Variants in NLGN1 observed in about 807,000 individuals in gnomAD.
NLGN1 encodes neuroligin 1.
Under a neutral mutation model 65.5 loss-of-function variants are expected in NLGN1, and 12 were observed. That is an observed-to-expected ratio of 0.18 (90% CI 0.12 to 0.30). The LOEUF is 0.30. Among genes scored for constraint, NLGN1 ranks in the 10% least tolerant of loss-of-function variants. The pLI, the probability that NLGN1 is intolerant of heterozygous loss-of-function variation, is 1.00. For synonymous variants in NLGN1, 350 were observed against 359.5 expected (o/e 0.97, Z 0.30); for missense variants, 750 against 1,007.1 (o/e 0.74, Z 3.46).
intron 2 of NLGN1, among the ~76,000 whole-genome samples, chr3:173,560,275 C>G (rs151145930): frequency 6.6e-6 from 1 of 151,556 alleles, no homozygotes; most frequent in African/African-American, 2.4e-5. Context: ...TGAATTTTTT[C>G]CTAAGCCATG....
chr3:173,610,505 TGAGA>T (rs1752117332), intron 3 of NLGN1, among the ~76,000 whole-genome samples: 1 of 151,852 alleles, frequency 6.6e-6, no homozygotes, highest in Non-Finnish European at 1.5e-5. Flanking sequence ...GTCATGAGCT[TGAGA>T]GAGAATAAAA....
chr3:174,220,541 T>C (rs1278552941), intron 4 of NLGN1, among the ~76,000 whole-genome samples: 2 of 152,148 alleles, frequency 1.3e-5, no homozygotes, highest in Non-Finnish European at 2.9e-5. Context: ...AAGACGACAT[T>C]ATTTCAAAAA....
rs568271778 is a variant in NLGN1, at chr3:173,757,021, A to AT, written c.494-50655dup. Among the ~76,000 whole-genome samples the AT allele has an allele frequency of 3.7e-3, 556 of 152,164 alleles. 3 individuals carry two copies. The highest frequency in any genetic ancestry group is 0.012 in the African/African-American group (514 of 41,572). ...CGGTGGCAACTAGGACACTGACTCC[A>AT]TTTTCTAAACATTGTCAATTAGAAG... On this transcript the variant is annotated intron_variant, in intron 3 of 6. Transcript: ENST00000457714.
At chr3:174,128,639 T>A (rs73046215) in intron 4 of NLGN1, among the ~76,000 whole-genome samples, 4,143 of 152,212 alleles carry the variant, frequency 0.027, 195 homozygotes, top group African/African-American at 0.094. Flanking sequence ...TCCAAGTGAC[T>A]GACCTTAGAC....
At chr3:173,429,227 G>C (rs1308430623) in intron 1 of NLGN1, among the ~76,000 whole-genome samples, 1 of 151,926 alleles carries the variant, frequency 6.6e-6, no homozygotes, top group African/African-American at 2.4e-5. Context: ...TTTTCAAACA[G>C]CCTGTCTTCA....
At chr3:174,121,889 T>C (rs1717854887) in intron 4 of NLGN1, among the ~76,000 whole-genome samples, 1 of 152,184 alleles carries the variant, frequency 6.6e-6, no homozygotes, top group Non-Finnish European at 1.5e-5. Flanking sequence ...TACATGAGCA[T>C]ATAAATATGA....
chr3:173,702,654 G>A (rs1209601036), intron 3 of NLGN1, among the ~76,000 whole-genome samples: 1 of 152,096 alleles, frequency 6.6e-6, no homozygotes, highest in African/African-American at 2.4e-5. Flanking sequence ...TTATTATGGG[G>A]AAGAATGTAT....
rs185291657 is a variant in NLGN1 at position 173,777,448 on chromosome 3, T to C, written c.494-30232T>C. On this transcript the variant is annotated intron_variant, in intron 3 of 6. Transcript: ENST00000457714. ...GATGTTTCAATACATTTATACATTA[T>C]GTAATGATCAAATCAGGATAATTGG... is the stretch of plus-strand genomic sequence containing the variant. Among the ~76,000 whole-genome samples the C allele has an allele frequency of 3.0e-3, 450 of 152,064 alleles. 5 individuals carry two copies. Among genetic ancestry groups the C allele is most frequent in the Middle Eastern group, 3.4e-3 (1 of 294 alleles).
At chr3:174,244,569 T>G (rs1279840344) in intron 4 of NLGN1, among the ~76,000 whole-genome samples, 1 of 152,066 alleles carries the variant, frequency 6.6e-6, no homozygotes, top group East Asian at 1.9e-4. Flanking sequence ...AGAATTGAAA[T>G]AAAAGGAAAC....
At chr3:173,836,742 C>T (rs1723696314) in intron 4 of NLGN1, among the ~76,000 whole-genome samples, 1 of 152,142 alleles carries the variant, frequency 6.6e-6, no homozygotes, top group African/African-American at 2.4e-5. Flanking sequence ...CCATCACCAT[C>T]CATGTGGCAT....
At chr3:174,120,506 C>CA (rs71964272) in intron 4 of NLGN1, among the ~76,000 whole-genome samples, 49 of 145,212 alleles carry the variant, frequency 3.4e-4, no homozygotes, top group African/African-American at 7.1e-4. Context: ...GACTCTGTCT[C>CA]AAAAAAAAAA....
At chr3:174,274,652 C>T (rs1750177598) in intron 4 of NLGN1, among the ~76,000 whole-genome samples, 3 of 151,012 alleles carry the variant, frequency 2.0e-5, no homozygotes, top group Admixed American at 2.0e-4. Flanking sequence ...ACACCATTTC[C>T]TAATTAATTG....
chr3:173,859,150 A>T (rs1481098209), intron 4 of NLGN1, among the ~76,000 whole-genome samples: 1 of 152,138 alleles, frequency 6.6e-6, no homozygotes, highest in Non-Finnish European at 1.5e-5. Flanking sequence ...ACAAACAAAG[A>T]TTGAAAATAA....
chr3:174,181,822 C>T (rs1306192275), intron 4 of NLGN1, among the ~76,000 whole-genome samples: 1 of 148,548 alleles, frequency 6.7e-6, no homozygotes, highest in African/African-American at 2.5e-5. Flanking sequence ...TATGTACACA[C>T]AAAACTTAGC....
chr3:173,929,699 T>C (rs2152282502), intron 4 of NLGN1, among the ~76,000 whole-genome samples: 1 of 151,700 alleles, frequency 6.6e-6, no homozygotes. Flanking sequence ...TTTTTTTCTT[T>C]TTTTCTTTTT....
At chr3:173,663,178 T>G (rs1761180492) in intron 3 of NLGN1, among the ~76,000 whole-genome samples, 1 of 152,016 alleles carries the variant, frequency 6.6e-6, no homozygotes, top group African/African-American at 2.4e-5. Context: ...CTTTCTCATT[T>G]CTGAGTCTCA....
At chr3:173,524,100 G>A (rs920431999) in intron 2 of NLGN1, among the ~76,000 whole-genome samples, 8 of 145,858 alleles carry the variant, frequency 5.5e-5, no homozygotes, top group African/African-American at 2.0e-4. Context: ...TTTTTTTTTT[G>A]TATGTTTAGT....
At chr3:173,560,534 T>TA (rs1742554023) in intron 2 of NLGN1, among the ~76,000 whole-genome samples, 1 of 152,060 alleles carries the variant, frequency 6.6e-6, no homozygotes, top group African/African-American at 2.4e-5. Flanking sequence ...ATTTTTTTTT[T>TA]TTATTATTCT....
chr3:173,924,659 A>G (rs1247513374), intron 4 of NLGN1, among the ~76,000 whole-genome samples: 2 of 152,018 alleles, frequency 1.3e-5, no homozygotes, highest in African/African-American at 4.8e-5. Flanking sequence ...AAATTCAATT[A>G]GATACAAATA....
Sources: allele counts gnomAD v4.1 joint callset (sites outside exome capture counted in the v4.1 genomes callset), GRCh38; gene constraint gnomAD v4.1.1; transcripts MANE v1.5; gene names NCBI Gene and HGNC (gene_info 2026-07-23, HGNC 2026-07-21).